CDIN1: variants seen among roughly 807,000 people sequenced by gnomAD.
CDIN1 encodes CDAN1 interacting nuclease 1.
CDIN1 carries 33 observed loss-of-function variants against 45.3 expected under a neutral mutation model. That is an observed-to-expected ratio of 0.73 (90% CI 0.55 to 0.97). The LOEUF (loss-of-function observed/expected upper bound fraction) is 0.97, where lower values mean the gene tolerates loss of function less well. Ranked by LOEUF, CDIN1 falls within the 50% of genes least tolerant of loss-of-function variation. CDIN1 has a pLI of 0.00. For synonymous variants in CDIN1, 118 were observed against 124.4 expected, an observed-to-expected ratio of 0.95 and a Z score of 0.34; for missense variants, 303 against 339.4, an observed-to-expected ratio of 0.89 and a Z score of 0.84.
intron 10 of CDIN1, among the ~76,000 whole-genome samples, chr15:36,722,983 G>GTT (rs869123183): frequency 2.9e-5 from 2 of 68,850 alleles, no homozygotes; most frequent in Non-Finnish European, 6.3e-5. Context: ...GTGTGTGTGT[G>GTT]TGTTTCTCTC....
At chr15:36,665,778 G>A (rs1005993151) in intron 5 of CDIN1, among the ~76,000 whole-genome samples, 2 of 151,960 alleles carry the variant, frequency 1.3e-5, no homozygotes, top group African/African-American at 4.8e-5. Flanking sequence ...AAATTTTCTG[G>A]TACAATCCTG....
At chr15:36,723,465 A>T (rs1340202276) in intron 10 of CDIN1, among the ~76,000 whole-genome samples, 2 of 152,202 alleles carry the variant, frequency 1.3e-5, no homozygotes, top group Non-Finnish European at 2.9e-5. Flanking sequence ...GCAGGTATAT[A>T]AAGCCATATT....
At chr15:36,607,230 G>A (rs1319519585) in intron 1 of CDIN1, among the ~76,000 whole-genome samples, 1 of 152,110 alleles carries the variant, frequency 6.6e-6, no homozygotes, top group Non-Finnish European at 1.5e-5. Flanking sequence ...CAAATTGTTG[G>A]ATCAGTGGGA....
At chr15:36,622,521 A>T (rs1421489209) in intron 1 of CDIN1, among the ~76,000 whole-genome samples, 1 of 152,212 alleles carries the variant, frequency 6.6e-6, no homozygotes, top group Non-Finnish European at 1.5e-5. Flanking sequence ...ATTCTTGAGT[A>T]ACTGTAATTC....
Position 36,764,581 on chromosome 15 carries a change from C to A in CDIN1, c.717-43743C>A, listed in dbSNP as rs139602070. On this transcript the variant is annotated intron_variant, in intron 10 of 10. Coordinates refer to ENST00000566621, the MANE Select transcript of CDIN1 (RefSeq NM_001321759.2). ...CCCCATTCCCATGCAAAGCTTCTAC[C>A]GGCATCCAGAACAAGCTTTTTCTTT... Among the ~76,000 whole-genome samples the A allele has an allele frequency of 5.3e-5, 8 of 152,294 alleles. No homozygotes were observed. In the East Asian group the frequency reaches 1.5e-3, roughly 29 times the overall value.
chr15:36,628,282 C>T (rs1355948938), intron 1 of CDIN1, among the ~76,000 whole-genome samples: 1 of 152,096 alleles, frequency 6.6e-6, no homozygotes, highest in East Asian at 1.9e-4. Flanking sequence ...TTTCCTTTTC[C>T]AGAATGCCAT....
intron 10 of CDIN1, among the ~76,000 whole-genome samples, chr15:36,756,841 C>T (rs1398906629): frequency 2.6e-5 from 4 of 152,062 alleles, no homozygotes; most frequent in East Asian, 1.9e-4. Flanking sequence ...GATGGCTTTT[C>T]GAGTGGTAAT....
chr15:36,664,528 C>A (rs569499614), intron 5 of CDIN1, among the ~76,000 whole-genome samples: 2 of 152,186 alleles, frequency 1.3e-5, no homozygotes, highest in African/African-American at 4.8e-5. Flanking sequence ...TCCAACTGTT[C>A]GCAAGCCTCC....
chr15:36,615,208 C>T (rs946310890), intron 1 of CDIN1, among the ~76,000 whole-genome samples: 2 of 152,142 alleles, frequency 1.3e-5, no homozygotes, highest in Non-Finnish European at 2.9e-5. Flanking sequence ...CCCTGGCCAC[C>T]GCATCTGGCT....
intron 1 of CDIN1, chr15:36,618,794 G>A (rs571517958): frequency 2.6e-6 from 2 of 779,506 alleles, no homozygotes; most frequent in South Asian, 1.4e-5. Flanking sequence ...TCTAATAGAG[G>A]ATTCCTCTGT....
intron 5 of CDIN1, among the ~76,000 whole-genome samples, chr15:36,690,763 A>G (rs1372567299): frequency 6.6e-6 from 1 of 152,164 alleles, no homozygotes; most frequent in African/African-American, 2.4e-5. Flanking sequence ...GTGGTGAATA[A>G]TTCCACTGGA....
chr15:36,675,525 T>C (rs1332718002), intron 5 of CDIN1, among the ~76,000 whole-genome samples: 2 of 152,168 alleles, frequency 1.3e-5, no homozygotes, highest in African/African-American at 4.8e-5. Context: ...GTTTGCAGCA[T>C]GTCTTTTTGT....
chr15:36,588,185 C>T (rs1004295779), intron 1 of CDIN1, among the ~76,000 whole-genome samples: 4 of 151,980 alleles, frequency 2.6e-5, no homozygotes, highest in African/African-American at 9.7e-5. Context: ...AATATTGTAT[C>T]GTTAACAGAA....
At chr15:36,585,219 G>T (rs958025314) in intron 1 of CDIN1, among the ~76,000 whole-genome samples, 9 of 152,066 alleles carry the variant, frequency 5.9e-5, no homozygotes, top group African/African-American at 1.9e-4. Flanking sequence ...CCTTCACCCA[G>T]CTTCTCTTAA....
At chr15:36,792,199 G>C (rs1262961871) in intron 10 of CDIN1, among the ~76,000 whole-genome samples, 1 of 152,106 alleles carries the variant, frequency 6.6e-6, no homozygotes, top group Non-Finnish European at 1.5e-5. Context: ...CGCAGCCCCA[G>C]CCCTGGTGGC....
rs745704268 is a variant in CDIN1 at position 36,709,877 on chromosome 15, A to G, written c.632A>G (p.His211Arg). 1 of 1,613,362 alleles carries G rather than the reference A, an allele frequency of 6.2e-7. No homozygotes were observed. Among genetic ancestry groups the G allele is most frequent in the Non-Finnish European group, 8.5e-7 (1 of 1,179,468 alleles). Residue 211 changes from histidine to arginine, a missense_variant, in exon 10 of 11, where the codon CAC becomes CGC. His to Arg is a conservative substitution (Grantham distance 29). Coordinates refer to ENST00000566621, the MANE Select transcript of CDIN1 (RefSeq NM_001321759.2). ...TTAGCTGTAGAAGGGCACATAATTC[A>G]CTGGATTGAAAGCAAAGCCTCATTT... Reference protein sequence around the residue: ...VPVAVEGHIIHWIESKASFGD... With the variant: ...VPVAVEGHIIRWIESKASFGD...
intron 1 of CDIN1, chr15:36,618,400 G>T: frequency 1.4e-6 from 1 of 715,370 alleles, no homozygotes; most frequent in Non-Finnish European, 2.5e-6. Context: ...GAACAAAATG[G>T]GGACTATGGT....
At chr15:36,774,902 A>G (rs1010931709) in intron 10 of CDIN1, among the ~76,000 whole-genome samples, 1 of 152,226 alleles carries the variant, frequency 6.6e-6, no homozygotes, top group African/African-American at 2.4e-5. Context: ...GCTCTTTATC[A>G]TAGAAAGCAA....
chr15:36,755,330 T>C (rs2053582527), intron 10 of CDIN1, among the ~76,000 whole-genome samples: 1 of 152,150 alleles, frequency 6.6e-6, no homozygotes, highest in Non-Finnish European at 1.5e-5. Flanking sequence ...TTAATAGCTT[T>C]TTAGGTTCTT....
Sources: allele counts gnomAD v4.1 joint callset (sites outside exome capture counted in the v4.1 genomes callset), GRCh38; gene constraint gnomAD v4.1.1; transcripts MANE v1.5; gene names NCBI Gene and HGNC (gene_info 2026-07-23, HGNC 2026-07-21).